The following VTI1A variants were observed in gnomAD, a reference collection of about 807,000 sequenced individuals.
The protein encoded by VTI1A is vesicle transport through interaction with t-SNAREs 1A.
A neutral mutation model predicts 34.9 loss-of-function variants in VTI1A; 22 were observed. The observed-to-expected ratio is 0.63, with a 90% CI of 0.45 to 0.90. VTI1A has a LOEUF of 0.90. Ranked by LOEUF, VTI1A falls within the 40% of genes least tolerant of loss-of-function variation. The probability of loss-of-function intolerance (pLI) is 0.00; values close to 1 mark genes in which losing one functional copy is unlikely to be tolerated. For missense variants in VTI1A, 268 were observed against 275.6 expected, an observed-to-expected ratio of 0.97 and a Z score of 0.20; for synonymous variants, 87 against 97.3, an observed-to-expected ratio of 0.89 and a Z score of 0.62.
At chr10:112,640,948 T>G (rs1414521577) in intron 5 of VTI1A, among the ~76,000 whole-genome samples, 2 of 152,218 alleles carry the variant, frequency 1.3e-5, no homozygotes, top group Non-Finnish European at 2.9e-5. Flanking sequence ...TCTATTTATA[T>G]CTCAGTTTCT....
chr10:112,790,340 G>A (rs1283083752), intron 7 of VTI1A, among the ~76,000 whole-genome samples: 3 of 152,178 alleles, frequency 2.0e-5, no homozygotes, highest in Admixed American at 1.3e-4. Flanking sequence ...TCTCACTGGT[G>A]TCTCTCAGGT....
chr10:112,782,345 A>G (rs1012283710), intron 7 of VTI1A, among the ~76,000 whole-genome samples: 12 of 152,244 alleles, frequency 7.9e-5, no homozygotes, highest in Admixed American at 1.3e-4. Context: ...CTGGAAAAGG[A>G]TGTTGCAATG....
the VTI1A span, among the ~76,000 whole-genome samples, chr10:112,842,985 G>A: frequency 0.14 from 20,740 of 152,184 alleles, 1,866 homozygotes; most frequent in East Asian, 0.35. Context: ...GGTGATTTAC[G>A]GGAGCTCACC....
chr10:112,733,404 C>T (rs1590129018), intron 7 of VTI1A, among the ~76,000 whole-genome samples: 1 of 152,280 alleles, frequency 6.6e-6, no homozygotes, highest in African/African-American at 2.4e-5. Flanking sequence ...CCCCAGCCCC[C>T]GTCTCCGTGG....
intron 7 of VTI1A, among the ~76,000 whole-genome samples, chr10:112,719,016 C>A (rs535800991): frequency 5.3e-5 from 8 of 152,240 alleles, no homozygotes; most frequent in African/African-American, 1.9e-4. Context: ...CAATATGAAC[C>A]TTTTTTTAGC....
At chr10:112,506,796 G>A (rs573495757) in intron 3 of VTI1A, among the ~76,000 whole-genome samples, 1 of 152,246 alleles carries the variant, frequency 6.6e-6, no homozygotes, top group African/African-American at 2.4e-5. Flanking sequence ...GGGTAGTTCT[G>A]TAGGAGGTAA....
chr10:112,572,840 ACC>A (rs1564832322), intron 5 of VTI1A, among the ~76,000 whole-genome samples: 1 of 50,378 alleles, frequency 2.0e-5, no homozygotes, highest in African/African-American at 4.6e-5. Context: ...CTCCGTCTCA[ACC>A]AAAAAAAAAA....
chr10:112,619,955 A>AC (rs1422292820), intron 5 of VTI1A, among the ~76,000 whole-genome samples: 1 of 151,968 alleles, frequency 6.6e-6, no homozygotes, highest in Non-Finnish European at 1.5e-5. Context: ...GAAGGTCTCG[A>AC]CCCCTGGGTT....
chr10:112,468,534 G>A (rs1847976570), intron 3 of VTI1A, among the ~76,000 whole-genome samples: 1 of 152,202 alleles, frequency 6.6e-6, no homozygotes, highest in Non-Finnish European at 1.5e-5. Flanking sequence ...CTTCAGGGGA[G>A]CATTTATGCC....
At chr10:112,504,597 G>A (rs969038361) in intron 3 of VTI1A, among the ~76,000 whole-genome samples, 1 of 152,016 alleles carries the variant, frequency 6.6e-6, no homozygotes, top group Admixed American at 6.6e-5. Context: ...ACATGCTGCT[G>A]AAATGAATAA....
intron 5 of VTI1A, among the ~76,000 whole-genome samples, chr10:112,558,784 G>A (rs1289651461): frequency 6.6e-6 from 1 of 152,196 alleles, no homozygotes; most frequent in African/African-American, 2.4e-5. Context: ...ATTGAAGCAG[G>A]CAACAAAGAA....
the VTI1A span, among the ~76,000 whole-genome samples, chr10:112,834,107 G>A: frequency 2.0e-5 from 3 of 152,190 alleles, no homozygotes; most frequent in African/African-American, 7.2e-5. Flanking sequence ...GAGGTGGCAT[G>A]AGGATCAGAT....
chr10:112,495,564 T>C (rs1325784533), intron 3 of VTI1A, among the ~76,000 whole-genome samples: 1 of 152,214 alleles, frequency 6.6e-6, no homozygotes, highest in African/African-American at 2.4e-5. Context: ...ACTTTACGTG[T>C]TTTAAATTTG....
Position 112,487,426 on chromosome 10 carries a change from A to G in VTI1A, c.264+22769A>G, listed in dbSNP as rs1347061485. 2.0e-5 allele frequency among the ~76,000 whole-genome samples: 3 copies of G among 152,314 alleles called. No homozygotes were observed. In the East Asian group the frequency reaches 5.8e-4, roughly 29 times the overall value. On this transcript the variant is annotated intron_variant, in intron 3 of 7. Transcript: ENST00000393077. ...GGTGTGAGCCACCGTGCCTGGCCTA[A>G]TCTTGCATTTTTGAGAGGCATGCAA...
rs561849056 is a variant in VTI1A at position 112,478,643 on chromosome 10, A to G, written c.264+13986A>G. 5.3e-5 allele frequency among the ~76,000 whole-genome samples: 8 copies of G among 152,330 alleles called. No individual in the cohort carries two copies. The East Asian group carries it at 1.3e-3, about 26-fold the overall frequency. On this transcript the variant is annotated intron_variant, in intron 3 of 7. Transcript: ENST00000393077. ...TGTATTCTAGCACATTTTGTTTTGT[A>G]GAAAACATCTTAGAAATTAATCACT...
At chr10:112,729,043 AT>A (rs1318113701) in intron 7 of VTI1A, among the ~76,000 whole-genome samples, 1 of 151,762 alleles carries the variant, frequency 6.6e-6, no homozygotes, top group Non-Finnish European at 1.5e-5. Flanking sequence ...GGTGGTTTTG[AT>A]TTTTTTTCTT....
chr10:112,545,704 A>G (rs535237617), intron 5 of VTI1A, among the ~76,000 whole-genome samples: 1 of 152,330 alleles, frequency 6.6e-6, no homozygotes, highest in African/African-American at 2.4e-5. Flanking sequence ...TTGCATTTTA[A>G]CAAGATCAGC....
intron 5 of VTI1A, among the ~76,000 whole-genome samples, chr10:112,575,168 T>C (rs1285172160): frequency 6.6e-6 from 1 of 152,200 alleles, no homozygotes; most frequent in Non-Finnish European, 1.5e-5. Context: ...TAGTAGGCAC[T>C]AAATAAATAG....
At chr10:112,676,656 C>T (rs1590058155) in intron 7 of VTI1A, among the ~76,000 whole-genome samples, 1 of 152,290 alleles carries the variant, frequency 6.6e-6, no homozygotes, top group East Asian at 1.9e-4. Context: ...TCCAAGCTAG[C>T]TTCACTCTTC....
Sources: gnomAD v4.1 joint callset for allele counts (sites outside exome capture counted in the v4.1 genomes callset) on GRCh38, gnomAD v4.1.1 for gene constraint, MANE v1.5 for transcripts, NCBI Gene and HGNC (gene_info 2026-07-23, HGNC 2026-07-21) for gene names.